The following TENM2 variants were observed in gnomAD, a reference collection of about 807,000 sequenced individuals.
TENM2 encodes teneurin-2.
TENM2 carries 52 observed loss-of-function variants against 245.2 expected under a neutral mutation model. That is an observed-to-expected ratio of 0.21 (90% CI 0.17 to 0.27). TENM2 has a LOEUF of 0.27. TENM2 is among the 10% of genes least tolerant of loss of function. TENM2 has a pLI of 1.00. For synonymous variants in TENM2, 1,363 were observed against 1,438.9 expected (o/e 0.95, Z 1.19); for missense variants, 3,046 against 3,666.8 (o/e 0.83, Z 4.37).
At chr5:168,001,311 C>T (rs1030689964) in intron 5 of TENM2, among the ~76,000 whole-genome samples, 32 of 152,256 alleles carry the variant, frequency 2.1e-4, no homozygotes, top group African/African-American at 6.7e-4. Context: ...TCCCTGAAAT[C>T]GAGAGAACTG....
At chr5:168,260,259 C>T (rs1274244752) in intron 27 of TENM2, 24 bp from the exon 30 acceptor site, 3 of 1,613,150 alleles carry the variant, frequency 1.9e-6, no homozygotes, top group Non-Finnish European at 1.7e-6. Context: ...TTTCAGAAAC[C>T]TTTATTTTTG....
the TENM2 span, among the ~76,000 whole-genome samples, chr5:167,027,807 G>A: frequency 6.6e-6 from 1 of 151,986 alleles, no homozygotes; most frequent in African/African-American, 2.4e-5. Flanking sequence ...GGCTGGGTGC[G>A]GTGGCTCATG....
chr5:167,463,177 C>T (rs1321743127), intron 2 of TENM2, among the ~76,000 whole-genome samples: 1 of 152,090 alleles, frequency 6.6e-6, no homozygotes, highest in Non-Finnish European at 1.5e-5. Flanking sequence ...AGTTTCAAAA[C>T]AGTGAACAAT....
chr5:167,425,088 T>C (rs1763733527), intron 2 of TENM2, among the ~76,000 whole-genome samples: 1 of 152,242 alleles, frequency 6.6e-6, no homozygotes, highest in East Asian at 1.9e-4. Flanking sequence ...TGTTTGGTTA[T>C]AGTACCTGCT....
At chr5:168,234,154 G>T (rs1411029862) in intron 25 of TENM2, among the ~76,000 whole-genome samples, 1 of 152,078 alleles carries the variant, frequency 6.6e-6, no homozygotes, top group African/African-American at 2.4e-5. Flanking sequence ...ACATTGCGGG[G>T]GTGGGGGGTG....
intron 3 of TENM2, among the ~76,000 whole-genome samples, chr5:167,900,030 G>A (rs527364732): frequency 3.5e-4 from 49 of 139,838 alleles, no homozygotes; most frequent in African/African-American, 1.3e-3. Flanking sequence ...GATGATGCCA[G>A]GAAAAATTCA....
At chr5:167,044,026 TAGTAAGGACAGAAGGAAGGAAGGA>T in the TENM2 span, among the ~76,000 whole-genome samples, 11 of 71,994 alleles carry the variant, frequency 1.5e-4, no homozygotes, top group African/African-American at 7.0e-4. Flanking sequence ...CTCAAATAAA[TAGTAAGGACAGAAGGAAGGAAGGA>T]AGGAAGGAAG....
intron 2 of TENM2, among the ~76,000 whole-genome samples, chr5:167,764,886 G>C (rs1762906446): frequency 6.6e-6 from 1 of 152,268 alleles, no homozygotes; most frequent in African/African-American, 2.4e-5. Flanking sequence ...AGCTACCTGA[G>C]CAAATGTTCC....
intron 2 of TENM2, among the ~76,000 whole-genome samples, chr5:167,791,187 A>G (rs370207563): frequency 2.6e-5 from 4 of 151,988 alleles, no homozygotes; most frequent in East Asian, 1.9e-4. Context: ...ATCTTGAGTG[A>G]TATTTTAGCT....
the TENM2 span, among the ~76,000 whole-genome samples, chr5:167,017,776 T>C: frequency 6.6e-6 from 1 of 152,204 alleles, no homozygotes; most frequent in Admixed American, 6.5e-5. Context: ...TATGAATGCA[T>C]ATAGGAAACT....
chr5:167,155,489 T>G, the TENM2 span, among the ~76,000 whole-genome samples: 1 of 152,182 alleles, frequency 6.6e-6, no homozygotes, highest in African/African-American at 2.4e-5. Flanking sequence ...CCCTGAACCC[T>G]TTTTAGCAGG....
At chr5:168,058,967 G>A (rs778619838) in intron 6 of TENM2, among the ~76,000 whole-genome samples, 3 of 152,150 alleles carry the variant, frequency 2.0e-5, no homozygotes, top group African/African-American at 7.2e-5. Flanking sequence ...AATTGCTAGA[G>A]GTCACACAGC....
intron 2 of TENM2, among the ~76,000 whole-genome samples, chr5:167,716,849 T>A (rs1370747662): frequency 6.6e-6 from 1 of 151,682 alleles, no homozygotes; most frequent in Admixed American, 6.6e-5. Context: ...AAAATTTACA[T>A]AAAGCCATCT....
chr5:167,513,494 T>A (rs1198667428), intron 2 of TENM2, among the ~76,000 whole-genome samples: 1 of 152,204 alleles, frequency 6.6e-6, no homozygotes, highest in East Asian at 1.9e-4. Flanking sequence ...TAGGAAACAC[T>A]TAAATATGTA....
At chr5:168,079,209 A>C (rs1791752334) in intron 7 of TENM2, among the ~76,000 whole-genome samples, 1 of 152,160 alleles carries the variant, frequency 6.6e-6, no homozygotes, top group Non-Finnish European at 1.5e-5. Context: ...ATGGGAGTTC[A>C]CTCATGATTT....
At chr5:167,035,981 G>C in the TENM2 span, among the ~76,000 whole-genome samples, 4 of 152,180 alleles carry the variant, frequency 2.6e-5, no homozygotes, top group Admixed American at 2.6e-4. Flanking sequence ...GACCTCAGGT[G>C]ATCCACCTGC....
Position 167,571,052 on chromosome 5 carries a change from G to A in TENM2, c.502+195579G>A, listed in dbSNP as rs71603834. On this transcript the variant is annotated intron_variant, in intron 2 of 28. Transcript: ENST00000518659. ...GTAAAGAGGGTCAGAGTGGAAAGAAGTCTTTATGAGTCATCCATTTTGAGG... is the reference window on the plus strand; with the variant it reads ...GTAAAGAGGGTCAGAGTGGAAAGAAATCTTTATGAGTCATCCATTTTGAGG... 7.6e-3 allele frequency among the ~76,000 whole-genome samples: 1,160 copies of A among 152,286 alleles called. 10 individuals carry two copies. Among genetic ancestry groups the A allele is most frequent in the Non-Finnish European group, 0.011 (755 of 68,010 alleles).
At chr5:167,914,969 G>C (rs1205801204) in intron 3 of TENM2, among the ~76,000 whole-genome samples, 2 of 152,164 alleles carry the variant, frequency 1.3e-5, no homozygotes, top group African/African-American at 2.4e-5. Context: ...TTCCAAAAAA[G>C]GTCACGTTGT....
rs995966515 is a variant in TENM2 at position 168,203,837 on chromosome 5, G to A, written c.3574+5G>A. 11 of 1,599,932 alleles carry A rather than the reference G, an allele frequency of 6.9e-6. No individual in the cohort carries two copies. Among genetic ancestry groups the A allele is most frequent in the Admixed American group, 1.7e-5 (1 of 59,674 alleles). Reference sequence around the variant, plus strand: ...ACATCCTCAATGTTAAAAGTGGTACGTGAACACATCTTCTTTCCCAAATAC... The same window carrying A: ...ACATCCTCAATGTTAAAAGTGGTACATGAACACATCTTCTTTCCCAAATAC... On this transcript the variant is annotated splice_donor_5th_base_variant and intron_variant, in intron 18 of 28. Coordinates refer to ENST00000518659, the Ensembl canonical transcript of TENM2.
Sources: allele counts gnomAD v4.1 joint callset (sites outside exome capture counted in the v4.1 genomes callset), GRCh38; gene constraint gnomAD v4.1.1; transcripts MANE v1.5; gene names NCBI Gene and HGNC (gene_info 2026-07-23, HGNC 2026-07-21).